GRAMD1C: variants seen among roughly 807,000 people sequenced by gnomAD.
The protein encoded by GRAMD1C is GRAM domain containing 1C, also known as protein Aster-C.
In GRAMD1C, 89 loss-of-function variants were observed where a neutral mutation model predicts 97.8. The ratio of observed to expected loss-of-function variants is 0.91; its 90% confidence interval spans 0.77 to 1.09. GRAMD1C has a LOEUF of 1.09. Among genes scored for constraint, GRAMD1C ranks in the 50% least tolerant of loss-of-function variants. The pLI is 0.00. For missense variants in GRAMD1C, 740 were observed against 766.4 expected, an observed-to-expected ratio of 0.97 and a Z score of 0.41; for synonymous variants, 256 against 267.0, an observed-to-expected ratio of 0.96 and a Z score of 0.40.
At chr3:113,943,846 G>A (rs565712883) in intron 17 of GRAMD1C, among the ~76,000 whole-genome samples, 8 of 152,130 alleles carry the variant, frequency 5.3e-5, no homozygotes, top group Admixed American at 3.9e-4. Context: ...CCCAGGAGGC[G>A]GAGGTTGCAG....
At chr3:113,919,484 A>G in intron 10 of GRAMD1C, 2 of 526,990 alleles carry the variant, frequency 3.8e-6, no homozygotes, top group South Asian at 2.9e-5. Flanking sequence ...TCATGAATTT[A>G]TAAACCTAAT....
intron 6 of GRAMD1C, among the ~76,000 whole-genome samples, chr3:113,899,566 A>G (rs1045864598): frequency 2.0e-5 from 3 of 152,236 alleles, no homozygotes; most frequent in Non-Finnish European, 4.4e-5. Context: ...TACTAAATAA[A>G]TATCTGTTGA....
rs1314211431 is a variant in GRAMD1C at position 113,933,551 on chromosome 3, T to G, written c.1250T>G (p.Val417Gly). The change falls in exon 12 of 18, where the codon GTA (valine) becomes GGA (glycine). Residue 417 changes from valine to glycine, a missense_variant. By Grantham distance (109) the Val-to-Gly change is moderately radical. Coordinates refer to ENST00000358160, the MANE Select transcript of GRAMD1C (RefSeq NM_017577.5). ...AGTCGGGAAGCACGATTTTATTTGG[T>G]AGATTCAGAAGTACTGACACATGAT... ...KESREARFYL[V>G]DSEVLTHDVP... The G allele has an allele frequency of 6.2e-7, 1 of 1,610,394 alleles. No homozygotes were observed. Among genetic ancestry groups the G allele is most frequent in the Non-Finnish European group, 8.5e-7 (1 of 1,176,730 alleles).
Position 113,915,783 on chromosome 3 carries a change from G to C in GRAMD1C, c.1035G>C (p.Leu345Phe). ...TCAGTGCTGACAGAATGTTTGAATTGCTCTTTACCAGTTCACGCTTTATGC... is the reference window on the plus strand; with the variant it reads ...TCAGTGCTGACAGAATGTTTGAATTCCTCTTTACCAGTTCACGCTTTATGC... ...FHISADRMFE[L>F]LFTSSRFMQK... The change falls in exon 10 of 18, where the codon TTG (leucine) becomes TTC (phenylalanine). Residue 345 changes from leucine to phenylalanine, a missense_variant. Physicochemically the swap from Leu to Phe is conservative, Grantham distance 22. Transcript: ENST00000358160. 6.2e-7 allele frequency: 1 copy of C among 1,610,760 alleles called. No homozygotes were observed. Among genetic ancestry groups the C allele is most frequent in the Non-Finnish European group, 8.5e-7 (1 of 1,177,230 alleles).
In GRAMD1C at chr3:113,946,395, C is replaced by G. The variant is rs1938081917; in HGVS notation, c.*917C>G. On this transcript the variant is annotated 3_prime_UTR_variant, in exon 18 of 18. Coordinates refer to ENST00000358160, the MANE Select transcript of GRAMD1C (RefSeq NM_017577.5). Reference sequence around the variant, plus strand: ...TTGTTTTGATTGGTAAGTTATAAGCCAGACATAGATTTTAGCTCTTTAATA... The same window carrying G: ...TTGTTTTGATTGGTAAGTTATAAGCGAGACATAGATTTTAGCTCTTTAATA... The G allele has an allele frequency of 6.6e-6, 1 of 152,292 alleles. No homozygotes were observed. The allele number at this position is 152,292 out of a possible 1,614,324, so 9.4% of individuals were successfully genotyped here. A position where few individuals can be genotyped will look rare whatever the true frequency, so the allele number is the denominator to read the frequency against.
chr3:113,914,509 C>T (rs1026732603), intron 9 of GRAMD1C, among the ~76,000 whole-genome samples: 2 of 152,156 alleles, frequency 1.3e-5, no homozygotes, highest in Non-Finnish European at 2.9e-5. Context: ...CCAGATCATT[C>T]TTAGAGCTTG....
At chr3:113,888,624 T>C (rs1023024215) in intron 6 of GRAMD1C, among the ~76,000 whole-genome samples, 3 of 152,256 alleles carry the variant, frequency 2.0e-5, no homozygotes, top group Admixed American at 6.5e-5. Context: ...ACCTTAAATA[T>C]GTACCATTCC....
chr3:113,928,311 C>T (rs955287985), intron 10 of GRAMD1C, among the ~76,000 whole-genome samples: 1 of 152,104 alleles, frequency 6.6e-6, no homozygotes, highest in African/African-American at 2.4e-5. Flanking sequence ...CATCTTGACC[C>T]ACCCAACCCC....
At chr3:113,875,615 A>C (rs1559789317) in intron 4 of GRAMD1C, 28 bp downstream of exon 4, 2 of 936,740 alleles carry the variant, frequency 2.1e-6, no homozygotes, top group Non-Finnish European at 3.6e-6. Flanking sequence ...TGATTTGTTG[A>C]TACAAATAAT....
chr3:113,905,366 A>C (rs1306602878), intron 8 of GRAMD1C, among the ~76,000 whole-genome samples: 1 of 152,142 alleles, frequency 6.6e-6, no homozygotes, highest in Non-Finnish European at 1.5e-5. Flanking sequence ...TTTCTTAGTG[A>C]AGAATGGTAT....
At chr3:113,925,449 G>A (rs1351693126) in intron 10 of GRAMD1C, among the ~76,000 whole-genome samples, 1 of 150,600 alleles carries the variant, frequency 6.6e-6, no homozygotes, top group Non-Finnish European at 1.5e-5. Context: ...TCCAGCCTGG[G>A]TGACAGAGCA....
intron 16 of GRAMD1C, 78 bp downstream of exon 16, chr3:113,940,074 T>C: frequency 1.1e-6 from 1 of 933,322 alleles, no homozygotes; most frequent in East Asian, 2.4e-5. Flanking sequence ...TAATTTCAGT[T>C]TCAGAGACTG....
intron 6 of GRAMD1C, among the ~76,000 whole-genome samples, chr3:113,895,324 C>T: frequency 6.6e-6 from 1 of 152,128 alleles, no homozygotes; most frequent in Admixed American, 6.5e-5. Flanking sequence ...AGTGTATTTC[C>T]AACTGAGCTA....
At chr3:113,849,307 A>AT (rs1256188993) in intron 2 of GRAMD1C, among the ~76,000 whole-genome samples, 1 of 140,938 alleles carries the variant, frequency 7.1e-6, no homozygotes, top group African/African-American at 2.6e-5. Flanking sequence ...TTATTTATTT[A>AT]TTTTTTATTG....
chr3:113,915,660 T>C (rs1343663404), intron 9 of GRAMD1C, 41 bp from the exon 10 acceptor site: 3 of 1,555,972 alleles, frequency 1.9e-6, no homozygotes. Context: ...ATAAACTTTC[T>C]TTGATTTCTT....
rs181725618 is a variant in GRAMD1C at position 113,901,105 on chromosome 3, G to C, written c.615G>C (p.Glu205Asp). The change falls in exon 7 of 18, where the codon GAG (glutamate) becomes GAC (aspartate). Residue 205 changes from glutamate to aspartate, a missense_variant. Physicochemically the swap from Glu to Asp is conservative, Grantham distance 45. Coordinates refer to ENST00000358160, the MANE Select transcript of GRAMD1C (RefSeq NM_017577.5). ...YGTELGLNAE[E>D]MENLSLSIED... The stretch of plus-strand genomic sequence containing the variant: ...CTGAGCTAGGTTTAAATGCTGAGGA[G>C]ATGGAAAACTTGTCACTGTCGATTG... 2.4e-4 allele frequency: 384 copies of C among 1,609,652 alleles called. 1 individual carries two copies. The highest frequency in any genetic ancestry group is 3.0e-4 in the Non-Finnish European group (355 of 1,176,110).
At chr3:113,862,433 T>C (rs1366488124) in intron 2 of GRAMD1C, among the ~76,000 whole-genome samples, 3 of 152,358 alleles carry the variant, frequency 2.0e-5, no homozygotes, top group Admixed American at 2.0e-4. Flanking sequence ...AAGAGAAATA[T>C]GGCTCTGTTC....
chr3:113,931,657 G>A (rs965790662), intron 11 of GRAMD1C, among the ~76,000 whole-genome samples: 3 of 152,102 alleles, frequency 2.0e-5, no homozygotes, highest in African/African-American at 7.2e-5. Context: ...GGCCAGTTAT[G>A]GTGGCTCATC....
chr3:113,940,761 A>G (rs572790014), intron 17 of GRAMD1C, among the ~76,000 whole-genome samples: 2 of 152,304 alleles, frequency 1.3e-5, no homozygotes, highest in African/African-American at 4.8e-5. Context: ...TATCTTGGAG[A>G]TACTTCCATC....
Sources: allele counts gnomAD v4.1 joint callset (sites outside exome capture counted in the v4.1 genomes callset), GRCh38; gene constraint gnomAD v4.1.1; transcripts MANE v1.5; gene names NCBI Gene and HGNC (gene_info 2026-07-23, HGNC 2026-07-21).